Variants in WWOX observed in about 807,000 individuals in gnomAD.
The protein encoded by WWOX is WW domain-containing oxidoreductase.
A neutral mutation model predicts 46.2 loss-of-function variants in WWOX; 69 were observed. The ratio of observed to expected loss-of-function variants is 1.49; its 90% confidence interval spans 1.23 to 1.82. The LOEUF (loss-of-function observed/expected upper bound fraction) is 1.82. Ranked by LOEUF, WWOX falls within the 40% of genes most tolerant of loss-of-function variation. The pLI is 0.00. For synonymous variants in WWOX, 359 were observed against 202.6 expected (o/e 1.77, Z -6.56); for missense variants, 919 against 542.6 (o/e 1.69, Z -6.89).
chr16:79,073,469 C>T (rs192774630), intron 8 of WWOX, among the ~76,000 whole-genome samples: 16 of 152,052 alleles, frequency 1.1e-4, no homozygotes, highest in African/African-American at 2.9e-4. Flanking sequence ...CATGAGCCAC[C>T]GCGCCTGGCT....
intron 4 of WWOX, among the ~76,000 whole-genome samples, chr16:78,143,571 C>G (rs996298554): frequency 6.6e-6 from 1 of 152,118 alleles, no homozygotes. Context: ...CTATGGCCAG[C>G]AAAGCCCAAG....
At chr16:78,950,303 C>G (rs1004740652) in intron 8 of WWOX, among the ~76,000 whole-genome samples, 1 of 151,856 alleles carries the variant, frequency 6.6e-6, no homozygotes, top group Non-Finnish European at 1.5e-5. Flanking sequence ...ATTAGTCAGT[C>G]GATGGTTATT....
At chr16:78,589,845 T>A (rs1369642069) in intron 8 of WWOX, among the ~76,000 whole-genome samples, 1 of 152,184 alleles carries the variant, frequency 6.6e-6, no homozygotes, top group East Asian at 1.9e-4. Flanking sequence ...TTAACTATGA[T>A]GCTACTTCTT....
chr16:78,290,594 A>C (rs2079844409), intron 5 of WWOX, among the ~76,000 whole-genome samples: 1 of 152,158 alleles, frequency 6.6e-6, no homozygotes, highest in Non-Finnish European at 1.5e-5. Context: ...TAGTACTTTG[A>C]ATTTTAAATT....
chr16:78,759,389 C>T (rs965895502), intron 8 of WWOX, among the ~76,000 whole-genome samples: 2 of 152,300 alleles, frequency 1.3e-5, no homozygotes, highest in African/African-American at 4.8e-5. Context: ...ATTCTACCCT[C>T]TCTCTGCTTT....
chr16:78,730,496 G>A (rs2048943280), intron 8 of WWOX, among the ~76,000 whole-genome samples: 1 of 152,026 alleles, frequency 6.6e-6, no homozygotes, highest in Admixed American at 6.6e-5. Flanking sequence ...GTCTTGCTCA[G>A]GCTGGAGTGC....
At chr16:79,029,378 A>G (rs2047709297) in intron 8 of WWOX, among the ~76,000 whole-genome samples, 1 of 152,152 alleles carries the variant, frequency 6.6e-6, no homozygotes, top group Admixed American at 6.5e-5. Flanking sequence ...CTCCACATAC[A>G]CAGTAAACCC....
chr16:79,194,134 A>G (rs2051192319), intron 8 of WWOX, among the ~76,000 whole-genome samples: 2 of 152,144 alleles, frequency 1.3e-5, no homozygotes, highest in Non-Finnish European at 2.9e-5. Context: ...CACGTAATGC[A>G]TATTATGTAA....
intron 8 of WWOX, among the ~76,000 whole-genome samples, chr16:79,177,352 G>A (rs994512566): frequency 1.4e-5 from 2 of 146,416 alleles, no homozygotes; most frequent in Non-Finnish European, 3.0e-5. Flanking sequence ...TACTGTACTT[G>A]TCATTTATTT....
chr16:78,589,033 C>G (rs1451913022), intron 8 of WWOX, among the ~76,000 whole-genome samples: 2 of 152,200 alleles, frequency 1.3e-5, no homozygotes, highest in Non-Finnish European at 2.9e-5. Context: ...TTCATCTGCA[C>G]CAACCTCCTT....
At chr16:78,254,819 A>C (rs897478228) in intron 5 of WWOX, among the ~76,000 whole-genome samples, 1 of 152,140 alleles carries the variant, frequency 6.6e-6, no homozygotes, top group African/African-American at 2.4e-5. Flanking sequence ...GTGAACCACC[A>C]CATCTGGCCA....
At chr16:79,071,847 C>T (rs563544929) in intron 8 of WWOX, among the ~76,000 whole-genome samples, 1 of 152,224 alleles carries the variant, frequency 6.6e-6, no homozygotes, top group African/African-American at 2.4e-5. Context: ...TCTCTGGAGA[C>T]AATGGTCAGC....
At chr16:78,359,670 AAT>A (rs2081367983) in intron 5 of WWOX, among the ~76,000 whole-genome samples, 2 of 152,244 alleles carry the variant, frequency 1.3e-5, no homozygotes, top group South Asian at 4.1e-4. Context: ...CATTTAAAAA[AAT>A]AAATTTTCAT....
At chr16:78,291,424 G>A (rs1418886249) in intron 5 of WWOX, among the ~76,000 whole-genome samples, 1 of 152,116 alleles carries the variant, frequency 6.6e-6, no homozygotes, top group Non-Finnish European at 1.5e-5. Flanking sequence ...TTGAACGTTT[G>A]CCCGCGAAGG....
intron 8 of WWOX, among the ~76,000 whole-genome samples, chr16:78,914,224 C>G (rs578008003): frequency 7.2e-5 from 11 of 152,026 alleles, no homozygotes; most frequent in Non-Finnish European, 1.6e-4. Context: ...TATTTTCTGT[C>G]TATCCATCCG....
intron 7 of WWOX, among the ~76,000 whole-genome samples, chr16:78,426,219 A>C (rs563486214): frequency 6.6e-6 from 1 of 152,340 alleles, no homozygotes; most frequent in Admixed American, 6.5e-5. Context: ...TTTGTGAAGG[A>C]AAGTGGAGTG....
chr16:78,561,511 G>T (rs958676086), intron 8 of WWOX, among the ~76,000 whole-genome samples: 1 of 152,016 alleles, frequency 6.6e-6, no homozygotes, highest in Non-Finnish European at 1.5e-5. Flanking sequence ...TCAGTAACTG[G>T]AAGAATGCAT....
intron 8 of WWOX, among the ~76,000 whole-genome samples, chr16:79,085,565 A>G (rs370000535): frequency 9.5e-4 from 144 of 152,306 alleles, no homozygotes; most frequent in African/African-American, 3.3e-3. Flanking sequence ...AACTTTCTCA[A>G]TAGGTTGAGT....
At chr16:79,032,814 T>C (rs533336724) in intron 8 of WWOX, among the ~76,000 whole-genome samples, 8 of 151,690 alleles carry the variant, frequency 5.3e-5, no homozygotes, top group Non-Finnish European at 8.8e-5. Context: ...AGGTTTGTTA[T>C]ATAGGTAAAC....
Sources: gnomAD v4.1 joint callset for allele counts (sites outside exome capture counted in the v4.1 genomes callset) on GRCh38, gnomAD v4.1.1 for gene constraint, MANE v1.5 for transcripts, NCBI Gene and HGNC (gene_info 2026-07-23, HGNC 2026-07-21) for gene names.